The following LMAN1 variants were observed in gnomAD, a reference collection of about 807,000 sequenced individuals.
The protein encoded by LMAN1 is protein ERGIC-53.
Under a neutral mutation model 67.8 loss-of-function variants are expected in LMAN1, and 32 were observed. That is an observed-to-expected ratio of 0.47 (90% CI 0.36 to 0.63). The LOEUF (loss-of-function observed/expected upper bound fraction) is 0.63. Ranked by LOEUF, LMAN1 falls within the 30% of genes least tolerant of loss-of-function variation. The probability of loss-of-function intolerance (pLI) is 0.00; values close to 1 mark genes in which losing one functional copy is unlikely to be tolerated. For missense variants in LMAN1, 632 were observed against 628.2 expected (o/e 1.01, Z -0.06); for synonymous variants, 235 against 219.3 (o/e 1.07, Z -0.63).
chr18:59,339,161 T>C (rs578036151), intron 8 of LMAN1, among the ~76,000 whole-genome samples: 105 of 152,324 alleles, frequency 6.9e-4, no homozygotes, highest in African/African-American at 2.2e-3. Context: ...TGAACACTTA[T>C]TATAAACTGG....
Position 59,353,241 on chromosome 18 carries a change from A to G in LMAN1, c.600T>C (p.Pro200=), listed in dbSNP as rs1430521412. 3.7e-6 allele frequency: 6 copies of G among 1,614,034 alleles called. No individual in the cohort carries two copies. The African/African-American group carries it at 4.0e-5, about 11-fold the overall frequency. ...CQRDFRNKPY[P]VRAKITYYQN... is the part of the protein sequence containing the mutation. ...GGTAATAGGTAATCTTTGCTCGGAC[A>G]GGATAGGGTTTGTTGCGGAAGTCCC... The change falls in exon 5 of 13, where the codon CCT becomes CCC. Residue 200 remains proline, a synonymous_variant. Transcript: ENST00000251047.
At chr18:59,354,386 G>GT (rs1210495909) in intron 4 of LMAN1, 133 bp downstream of exon 4, 1 of 645,898 alleles carries the variant, frequency 1.5e-6, no homozygotes, top group African/African-American at 1.8e-5. Flanking sequence ...TTTCTACCAA[G>GT]TTACAAAATA....
intron 6 of LMAN1, 66 bp from the exon 7 acceptor site, chr18:59,347,637 T>C: frequency 1.9e-6 from 2 of 1,071,766 alleles, no homozygotes; most frequent in Non-Finnish European, 2.8e-6. Flanking sequence ...ATTGTAAATG[T>C]ATTTTATCAA....
rs189413065 is a variant in LMAN1, at chr18:59,351,029, T to C, written c.640-1793A>G. 2.6e-5 allele frequency among the ~76,000 whole-genome samples: 4 copies of C among 152,330 alleles called. 1 individual carries two copies. Among genetic ancestry groups the C allele is most frequent in the East Asian group, 1.9e-4 (1 of 5,184 alleles). ...GTGTTTCCCCCACCAACAGCACTTA[T>C]TGCTTTCAACCTCCTCTTACTTTGT... On this transcript the variant is annotated intron_variant, in intron 5 of 12. Transcript: ENST00000251047.
Position 59,353,232 on chromosome 18 carries a change from T to C in LMAN1, c.609A>G (p.Ala203=), listed in dbSNP as rs1179120398. ...DFRNKPYPVR[A]KITYYQNTLT... is the part of the protein sequence containing the mutation. Reference sequence around the variant, plus strand: ...GTGTGTTCTGGTAATAGGTAATCTTTGCTCGGACAGGATAGGGTTTGTTGC... The same window carrying C: ...GTGTGTTCTGGTAATAGGTAATCTTCGCTCGGACAGGATAGGGTTTGTTGC... The change falls in exon 5 of 13, where the codon GCA becomes GCG. Residue 203 remains alanine (A), a synonymous_variant. Coordinates refer to ENST00000251047, the MANE Select transcript of LMAN1 (RefSeq NM_005570.4). 8.1e-6 allele frequency: 13 copies of C among 1,614,134 alleles called. No individual in the cohort carries two copies. In the African/African-American group the frequency reaches 1.1e-4, roughly 13 times the overall value.
At chr18:59,358,879 G>C in intron 1 of LMAN1, 152 bp downstream of exon 1, 1 of 769,852 alleles carries the variant, frequency 1.3e-6, no homozygotes, top group South Asian at 1.5e-5. Context: ...GGACCCGGCG[G>C]AGGGGCTGCC....
chr18:59,341,695 A>G (rs1334785669), intron 8 of LMAN1, among the ~76,000 whole-genome samples: 1 of 152,136 alleles, frequency 6.6e-6, no homozygotes, highest in African/African-American at 2.4e-5. Flanking sequence ...AAGCAGTGTG[A>G]AGAGGGCAGT....
At position 59,352,581 on chromosome 18, in the gene LMAN1, A is replaced by G. The variant is rs1908566823; in HGVS notation, c.639+621T>C. 2.6e-5 allele frequency: 4 copies of G among 155,484 alleles called. No homozygotes were observed. The South Asian group carries it at 7.8e-4, about 31-fold the overall frequency. The allele number at this position is 155,484 out of a possible 1,614,324, so 9.6% of individuals were successfully genotyped here. A position where few individuals can be genotyped will look rare whatever the true frequency, so the allele number is the denominator to read the frequency against. The stretch of plus-strand genomic sequence containing the variant: ...TTTCCAAAATATTTCAAGCTCTCTC[A>G]AGGGCCTATGCCTGCTTTCTGTGCT... On this transcript the variant is annotated intron_variant, in intron 5 of 12. Transcript: ENST00000251047.
chr18:59,349,064 A>G (rs755545260), intron 6 of LMAN1, 49 bp downstream of exon 6: 3 of 1,610,370 alleles, frequency 1.9e-6, no homozygotes, highest in East Asian at 2.2e-5. Context: ...ACTATTCCCA[A>G]TAAAACACAC....
intron 6 of LMAN1, among the ~76,000 whole-genome samples, chr18:59,348,348 CTG>C (rs369724169): frequency 1.6e-4 from 25 of 152,268 alleles, no homozygotes; most frequent in African/African-American, 4.8e-4. Flanking sequence ...ACTTAAGAAA[CTG>C]TGTTGGGTAA....
At chr18:59,338,516 A>G (rs771880282) in intron 10 of LMAN1, 41 bp downstream of exon 10, 2 of 1,548,162 alleles carry the variant, frequency 1.3e-6, no homozygotes, top group South Asian at 2.2e-5. Flanking sequence ...TTAGGATAAA[A>G]AAAATCACAT....
At position 59,358,160 on chromosome 18, in the gene LMAN1, A is replaced by G. The variant is rs549947563; in HGVS notation, c.214+871T>C. Among the ~76,000 whole-genome samples, 11 of 152,314 alleles carry G rather than the reference A, an allele frequency of 7.2e-5. No individual in the cohort carries two copies. In the East Asian group the frequency reaches 2.1e-3, roughly 29 times the overall value. On this transcript the variant is annotated intron_variant, in intron 1 of 12. Coordinates refer to ENST00000251047, the MANE Select transcript of LMAN1 (RefSeq NM_005570.4). ...GACACATCAGCACTAAAAAGTGCAG[A>G]TATGTTTTCTTTCACGTAAGTAAAT...
At chr18:59,332,704 C>G (rs1412849270) in intron 11 of LMAN1, among the ~76,000 whole-genome samples, 2 of 151,966 alleles carry the variant, frequency 1.3e-5, no homozygotes, top group Non-Finnish European at 2.9e-5. Flanking sequence ...TCCAAGCACA[C>G]GAAACCTGGG....
intron 4 of LMAN1, 79 bp from the exon 5 acceptor site, chr18:59,353,380 T>C: frequency 1.9e-6 from 2 of 1,036,052 alleles, no homozygotes; most frequent in Admixed American, 1.7e-5. Context: ...TAAAATAATA[T>C]CAAGTTATGA....
chr18:59,357,445 A>G (rs956586388), intron 1 of LMAN1, among the ~76,000 whole-genome samples: 4 of 152,210 alleles, frequency 2.6e-5, no homozygotes, highest in African/African-American at 9.6e-5. Flanking sequence ...CAAATCCATC[A>G]CTACTGAATA....
chr18:59,353,708 C>T (rs1264710022), intron 4 of LMAN1, among the ~76,000 whole-genome samples: 10 of 152,208 alleles, frequency 6.6e-5, no homozygotes, highest in Middle Eastern at 3.4e-3. Flanking sequence ...ACAACAAACA[C>T]GTGAAAATAA....
chr18:59,343,900 G>A (rs975421785), intron 8 of LMAN1, among the ~76,000 whole-genome samples: 6 of 151,850 alleles, frequency 4.0e-5, no homozygotes, highest in Admixed American at 6.6e-5. Flanking sequence ...TGCATCCAAC[G>A]AAGGGCTAAT....
rs1230911528 is a variant in LMAN1, at chr18:59,355,356, T to C, written c.434A>G (p.Asn145Ser). The C allele has an allele frequency of 1.2e-6, 2 of 1,613,906 alleles. No homozygotes were observed. Among genetic ancestry groups the C allele is most frequent in the Non-Finnish European group, 1.7e-6 (2 of 1,179,920 alleles). Residue 145 changes from asparagine (N) to serine (S), a missense_variant, in exon 3 of 13, where the codon AAT (asparagine) becomes AGT (serine). Transcript: ENST00000251047. ...GPVFGSADLWNGVGIFFDSFD... is the reference protein window; with the variant it reads ...GPVFGSADLWSGVGIFFDSFD... ...AGAATCAAAAAATATTCCAACACCATTCCACAGATCAGCTGATCCAAACAC... is the reference window on the plus strand; with the variant it reads ...AGAATCAAAAAATATTCCAACACCACTCCACAGATCAGCTGATCCAAACAC...
At chr18:59,348,992 G>C in intron 6 of LMAN1, 121 bp downstream of exon 6, 2 of 1,168,036 alleles carry the variant, frequency 1.7e-6, no homozygotes, top group East Asian at 2.3e-5. Context: ...AAGAGGTGAT[G>C]GGAAAGTTCC....
Sources: gnomAD v4.1 joint callset for allele counts (sites outside exome capture counted in the v4.1 genomes callset) on GRCh38, gnomAD v4.1.1 for gene constraint, MANE v1.5 for transcripts, NCBI Gene and HGNC (gene_info 2026-07-23, HGNC 2026-07-21) for gene names.